Variants in YWHAH observed in about 807,000 individuals in gnomAD.
YWHAH encodes tyrosine 3-monooxygenase/tryptophan 5-monooxygenase activation protein eta.
In YWHAH, 6 loss-of-function variants were observed where a neutral mutation model predicts 22.9. The observed-to-expected ratio is 0.26, with a 90% CI of 0.14 to 0.52. The LOEUF is 0.52. YWHAH is among the 20% of genes least tolerant of loss of function. The pLI is 0.97. For synonymous variants in YWHAH, 135 were observed against 124.5 expected (o/e 1.08, Z -0.56); for missense variants, 173 against 308.6 (o/e 0.56, Z 3.29).
At chr22:31,954,152 T>C (rs2093846710) in intron 1 of YWHAH, among the ~76,000 whole-genome samples, 1 of 152,248 alleles carries the variant, frequency 6.6e-6, no homozygotes, top group African/African-American at 2.4e-5. Flanking sequence ...TATTGATAAC[T>C]TTCCCCAATG....
chr22:31,955,319 A>G (rs778887983), intron 1 of YWHAH, among the ~76,000 whole-genome samples: 4 of 151,760 alleles, frequency 2.6e-5, no homozygotes, highest in Non-Finnish European at 4.4e-5. Context: ...GTTAATGTGT[A>G]TTTGAGGAGT....
At chr22:31,951,213 CTT>C (rs976419209) in intron 1 of YWHAH, among the ~76,000 whole-genome samples, 1 of 152,264 alleles carries the variant, frequency 6.6e-6, no homozygotes. Context: ...CTCAAACTGA[CTT>C]TTCTCACACA....
intron 1 of YWHAH, among the ~76,000 whole-genome samples, chr22:31,952,261 C>T (rs374549341): frequency 2.0e-5 from 3 of 152,172 alleles, no homozygotes; most frequent in African/African-American, 4.8e-5. Context: ...TGTTGCCACC[C>T]GGTGTTTGCC....
chr22:31,944,853 G>C (rs760319206), intron 1 of YWHAH, 33 bp downstream of exon 1: 27 of 1,207,442 alleles, frequency 2.2e-5, no homozygotes, highest in Admixed American at 1.7e-4. Flanking sequence ...CGGCTGGCCG[G>C]GGGGGGCCTG....
At chr22:31,945,614 C>T (rs1160393186) in intron 1 of YWHAH, 5 of 1,299,434 alleles carry the variant, frequency 3.8e-6, no homozygotes, top group Non-Finnish European at 5.1e-6. Flanking sequence ...GTGGGTCACA[C>T]ACCACCTGCA....
At chr22:31,955,431 C>G (rs921212889) in intron 1 of YWHAH, among the ~76,000 whole-genome samples, 1 of 147,014 alleles carries the variant, frequency 6.8e-6, no homozygotes, top group African/African-American at 2.5e-5. Flanking sequence ...TCTTACTGTT[C>G]AGAGTATCTT....
chr22:31,945,547 G>T (rs982111805), intron 1 of YWHAH: 2 of 1,304,132 alleles, frequency 1.5e-6, no homozygotes, highest in Non-Finnish European at 2.0e-6. Flanking sequence ...CTCATAAATC[G>T]ATTCTGCAGC....
rs868817561 is a variant in YWHAH, at chr22:31,944,542, G to A, written c.-192G>A. On this transcript the variant is annotated 5_prime_UTR_variant, in exon 1 of 2. Transcript: ENST00000248975. ...TTGTCCGCGGCGCGAGCCACAGCGC[G>A]CGGGGCGAGCCAGCGAGAGGGCGCG... 23 of 214,038 alleles carry A rather than the reference G, an allele frequency of 1.1e-4. No homozygotes were observed. The highest frequency in any genetic ancestry group is 3.5e-4 in the South Asian group (2 of 5,736). The allele number at this position is 214,038 out of a possible 1,614,324, so 13.3% of individuals were successfully genotyped here.
intron 1 of YWHAH, among the ~76,000 whole-genome samples, chr22:31,954,938 A>G (rs1436823462): frequency 6.6e-6 from 1 of 152,220 alleles, no homozygotes. Flanking sequence ...ATACAGTTCA[A>G]CCACTGCAAA....
chr22:31,948,034 C>T (rs926795694), intron 1 of YWHAH, among the ~76,000 whole-genome samples: 4 of 152,098 alleles, frequency 2.6e-5, no homozygotes, highest in African/African-American at 4.8e-5. Flanking sequence ...GGCAGAAACA[C>T]GTTTAAAGTA....
intron 1 of YWHAH, among the ~76,000 whole-genome samples, chr22:31,951,847 A>G (rs1025055682): frequency 2.6e-5 from 4 of 152,116 alleles, no homozygotes; most frequent in African/African-American, 7.2e-5. Context: ...CTTAAAAGAA[A>G]TGGAGAGGAG....
intron 1 of YWHAH, among the ~76,000 whole-genome samples, chr22:31,949,468 C>A (rs946807632): frequency 2.0e-5 from 3 of 151,540 alleles, no homozygotes; most frequent in African/African-American, 7.3e-5. Flanking sequence ...TTTTTAGGCA[C>A]TTGGTAAACG....
chr22:31,954,922 CG>C (rs2093847724), intron 1 of YWHAH, among the ~76,000 whole-genome samples: 3 of 152,146 alleles, frequency 2.0e-5, no homozygotes. Flanking sequence ...TATCTTTTGG[CG>C]GGGGATACAG....
chr22:31,945,911 T>C (rs766961288), intron 1 of YWHAH, among the ~76,000 whole-genome samples: 4 of 152,174 alleles, frequency 2.6e-5, no homozygotes, highest in Non-Finnish European at 4.4e-5. Context: ...CCCATGATTA[T>C]AGTAAATGTA....
intron 1 of YWHAH, chr22:31,945,698 C>A: frequency 8.1e-7 from 1 of 1,239,878 alleles, no homozygotes. Context: ...TATTTCCTCT[C>A]CCTGCGTCAA....
At chr22:31,954,757 T>G (rs1341124260) in intron 1 of YWHAH, among the ~76,000 whole-genome samples, 1 of 152,188 alleles carries the variant, frequency 6.6e-6, no homozygotes, top group Non-Finnish European at 1.5e-5. Context: ...CCTGTGTGTG[T>G]GTCAAAATCT....
intron 1 of YWHAH, chr22:31,950,261 C>T (rs768942391): frequency 2.6e-6 from 2 of 770,954 alleles, no homozygotes; most frequent in Non-Finnish European, 4.9e-6. Flanking sequence ...TTTCTCCCTG[C>T]ACCCTTTAGT....
chr22:31,945,772 C>T, intron 1 of YWHAH: 1 of 1,023,490 alleles, frequency 9.8e-7, no homozygotes, highest in Non-Finnish European at 1.3e-6. Flanking sequence ...CTCCTGAGAC[C>T]TGGGAGGATC....
rs1049816 is a variant in YWHAH, at chr22:31,957,421, T to A, written c.*629T>A. 6.6e-6 allele frequency: 1 copy of A among 150,974 alleles called. No homozygotes were observed. Among genetic ancestry groups the A allele is most frequent in the Admixed American group, 6.7e-5 (1 of 15,028 alleles). 9.4% of individuals were successfully genotyped at this position (150,974 alleles called of 1,614,324 possible). The stretch of plus-strand genomic sequence containing the variant: ...ACTTGTAACTTTTTTTTTTTTTTGG[T>A]TGCAATTGTTTAAGAATCATGGATT... On this transcript the variant is annotated 3_prime_UTR_variant, in exon 2 of 2. Coordinates refer to ENST00000248975, the MANE Select transcript of YWHAH (RefSeq NM_003405.4).
Sources: allele counts gnomAD v4.1 joint callset (sites outside exome capture counted in the v4.1 genomes callset), GRCh38; gene constraint gnomAD v4.1.1; transcripts MANE v1.5; gene names NCBI Gene and HGNC (gene_info 2026-07-23, HGNC 2026-07-21).